The following GTF3C4 variants were observed in gnomAD, a reference collection of about 807,000 sequenced individuals.
GTF3C4 encodes the protein general transcription factor IIIC subunit 4.
GTF3C4 carries 28 observed loss-of-function variants against 67.5 expected under a neutral mutation model. The ratio of observed to expected loss-of-function variants is 0.41; its 90% CI spans 0.31 to 0.57. GTF3C4 has a LOEUF of 0.57. GTF3C4 is among the 20% of genes least tolerant of loss of function. The pLI is 0.21. For synonymous variants in GTF3C4, 409 were observed against 393.0 expected, an observed-to-expected ratio of 1.04 and a Z score of -0.48; for missense variants, 831 against 1,033.2, an observed-to-expected ratio of 0.80 and a Z score of 2.68.
Position 132,678,903 on chromosome 9 carries a change from C to T in GTF3C4, c.1284C>T (p.Ser428=). 1 of 1,614,210 alleles carries T rather than the reference C, an allele frequency of 6.2e-7. No homozygotes were observed. The highest frequency in any genetic ancestry group is 1.7e-5 in the Admixed American group (1 of 60,030). The stretch of plus-strand genomic sequence containing the variant: ...GCCTTCACTCACTGCCAATTGTCTC[C>T]ATGACTGCAGACAAACAGAATGGAA... ...VTGLHSLPIV[S]MTADKQNGTV... Residue 428 remains serine (S), a synonymous_variant, in exon 2 of 5, where the codon TCC becomes TCT. Coordinates refer to ENST00000372146, the MANE Select transcript of GTF3C4 (RefSeq NM_012204.4). The surrounding 1 kb of genome is among the most constrained non-coding windows in gnomAD (Gnocchi z 6.5).
intron 3 of GTF3C4, among the ~76,000 whole-genome samples, chr9:132,684,611 A>G (rs1335879488): frequency 6.6e-6 from 1 of 152,090 alleles, no homozygotes; most frequent in South Asian, 2.1e-4. Context: ...CATCTGCTGT[A>G]TTTGTCCATC....
At chr9:132,684,752 T>C (rs787240) in intron 3 of GTF3C4, among the ~76,000 whole-genome samples, 72,352 of 151,996 alleles carry the variant, frequency 0.48, 17,980 homozygotes, top group African/African-American at 0.61. Flanking sequence ...GTGGCTTCCT[T>C]CAGTTTCCCA....
chr9:132,671,876 A>T (rs1424167583), intron 1 of GTF3C4, among the ~76,000 whole-genome samples: 3 of 152,200 alleles, frequency 2.0e-5, no homozygotes, highest in Non-Finnish European at 2.9e-5. Flanking sequence ...CCTGTCAGGT[A>T]GTGATAAGCA....
chr9:132,678,552 C>T lies in GTF3C4; in HGVS notation c.933C>T (p.Thr311=), dbSNP rs201132018. 1 of 1,614,140 alleles carries T rather than the reference C, an allele frequency of 6.2e-7. No individual in the cohort carries two copies. Among genetic ancestry groups the T allele is most frequent in the Non-Finnish European group, 8.5e-7 (1 of 1,179,990 alleles). Residue 311 remains threonine, a synonymous_variant, in exon 2 of 5, where the codon ACC becomes ACT. Coordinates refer to ENST00000372146, the MANE Select transcript of GTF3C4 (RefSeq NM_012204.4). The surrounding 1 kb of genome is among the most constrained non-coding windows in gnomAD (Gnocchi z 6.5). ...SSCNTIESGI[T]SPSVLFWWEY... Reference sequence around the variant, plus strand: ...GCAACACAATTGAGTCAGGAATCACCTCTCCCAGTGTATTGTTTTGGTGGG... The same window carrying T: ...GCAACACAATTGAGTCAGGAATCACTTCTCCCAGTGTATTGTTTTGGTGGG...
At position 132,678,018 on chromosome 9, in the gene GTF3C4, C is replaced by T. The variant is rs751583658; in HGVS notation, c.399C>T (p.Phe133=). ...AAGTTGCTGAGTGCAAGGAGAAATT[C>T]GCCGCCTCCAAGGACCCCACGGTCA... ...KTEVAECKEK[F]AASKDPTVSQ... The change falls in exon 2 of 5, where the codon TTC becomes TTT. Residue 133 remains phenylalanine, a synonymous_variant. Transcript: ENST00000372146. This position sits in a 1 kb window ranked among gnomAD's most constrained non-coding sequence, Gnocchi z 6.5. The T allele has an allele frequency of 3.1e-6, 5 of 1,612,052 alleles. No homozygotes were observed. Among genetic ancestry groups the T allele is most frequent in the Admixed American group, 3.4e-5 (2 of 59,530 alleles).
chr9:132,670,468 G>T lies in GTF3C4; in HGVS notation c.-131G>T. Reference sequence around the variant, plus strand: ...CCTGGCAACGGCGGGGTCCTTCTTGGCTCGGCGGCGCTCGGGGCCTGAGGG... The same window carrying T: ...CCTGGCAACGGCGGGGTCCTTCTTGTCTCGGCGGCGCTCGGGGCCTGAGGG... On this transcript the variant is annotated 5_prime_UTR_variant, in exon 1 of 5. Transcript: ENST00000372146. The T allele has an allele frequency of 1.0e-6, 1 of 966,734 alleles. No individual in the cohort carries two copies. The highest frequency in any genetic ancestry group is 3.2e-5 in the East Asian group (1 of 31,206). The allele number at this position is 966,734 out of a possible 1,614,324, so 59.9% of individuals were successfully genotyped here.
Position 132,678,911 on chromosome 9 carries a change from CAG to C in GTF3C4, c.1294_1295del (p.Asp432GlnfsTer12). 6.2e-7 allele frequency: 1 copy of C among 1,614,064 alleles called. No homozygotes were observed. Among genetic ancestry groups the C allele is most frequent in the Non-Finnish European group, 8.5e-7 (1 of 1,179,904 alleles). On this transcript the variant is annotated frameshift_variant, in exon 2 of 5. Transcript: ENST00000372146. LOFTEE classifies it high-confidence loss of function. This position sits in a 1 kb window ranked among gnomAD's most constrained non-coding sequence, Gnocchi z 6.5. ...TCACTGCCAATTGTCTCCATGACTG[CAG>C]ACAAACAGAATGGAACAGTCTATAC...
In GTF3C4 at chr9:132,670,564, G is replaced by A; in HGVS notation, c.-35G>A. On this transcript the variant is annotated 5_prime_UTR_variant, in exon 1 of 5. Transcript: ENST00000372146. The stretch of plus-strand genomic sequence containing the variant: ...GGAGGTGGTCGCGCGACTGCGTGGA[G>A]CGCCAGGGCGTCCGACCTCTGCACC... 1 of 1,367,984 alleles carries A rather than the reference G, an allele frequency of 7.3e-7. No individual in the cohort carries two copies. Among genetic ancestry groups the A allele is most frequent in the Non-Finnish European group, 9.5e-7 (1 of 1,047,762 alleles). 84.7% of individuals were successfully genotyped at this position (1,367,984 alleles called of 1,614,324 possible). A position where few individuals can be genotyped will look rare whatever the true frequency, so the allele number is the denominator to read the frequency against.
intron 2 of GTF3C4, among the ~76,000 whole-genome samples, chr9:132,680,109 A>G (rs557012885): frequency 6.6e-6 from 1 of 152,356 alleles, no homozygotes; most frequent in African/African-American, 2.4e-5. Flanking sequence ...GTGATGGGCA[A>G]TCATGGCTGT....
chr9:132,675,794 G>A (rs1308291111), intron 1 of GTF3C4, among the ~76,000 whole-genome samples: 1 of 151,414 alleles, frequency 6.6e-6, no homozygotes, highest in African/African-American at 2.4e-5. Flanking sequence ...TCTCTATTTT[G>A]TGGACAATTT....
At chr9:132,681,314 C>G (rs1276657848) in intron 2 of GTF3C4, among the ~76,000 whole-genome samples, 2 of 152,278 alleles carry the variant, frequency 1.3e-5, no homozygotes, top group African/African-American at 4.8e-5. Context: ...TTACATTTAG[C>G]ATGGTGATGT....
chr9:132,676,511 G>C (rs1282564270), intron 1 of GTF3C4, among the ~76,000 whole-genome samples: 2 of 151,654 alleles, frequency 1.3e-5, no homozygotes, highest in Non-Finnish European at 2.9e-5. Context: ...AGTAGAGATG[G>C]GGCCTCACTA....
rs537809079 is a variant in GTF3C4 at position 132,675,540 on chromosome 9, G to A, written c.358-2437G>A. Among the ~76,000 whole-genome samples the A allele has an allele frequency of 4.9e-4, 75 of 152,172 alleles. No individual in the cohort carries two copies. The South Asian group carries it at 0.015, about 30-fold the overall frequency. ...TTTTGGATAATAAAGGGTAATAACT[G>A]CCTCCCTCACCTCCAAAAAAAAGGC... On this transcript the variant is annotated intron_variant, in intron 1 of 4. Transcript: ENST00000372146.
At chr9:132,681,510 A>C (rs1465431410) in intron 2 of GTF3C4, among the ~76,000 whole-genome samples, 1 of 152,198 alleles carries the variant, frequency 6.6e-6, no homozygotes, top group South Asian at 2.1e-4. Context: ...TTATCAGCCT[A>C]GTATGCTAGT....
chr9:132,671,040 C>G, intron 1 of GTF3C4, 85 bp downstream of exon 1: 1 of 926,918 alleles, frequency 1.1e-6, no homozygotes. Context: ...TCCGATCCCA[C>G]ACTCTGTCCG....
chr9:132,682,618 T>TTTTA (rs1261787846), intron 2 of GTF3C4, among the ~76,000 whole-genome samples: 1 of 147,714 alleles, frequency 6.8e-6, no homozygotes, highest in African/African-American at 2.5e-5. Flanking sequence ...TTTTTTTTTT[T>TTTTA]ACTGAGATGG....
rs1203012179 is a variant in GTF3C4, at chr9:132,672,028, G to C, written c.357+1073G>C. ...TCACTTTGTAGCATACTTAATTCAAGTTTCAAACATCTTTCTGTTGTTAGA... is the reference window on the plus strand; with the variant it reads ...TCACTTTGTAGCATACTTAATTCAACTTTCAAACATCTTTCTGTTGTTAGA... On this transcript the variant is annotated intron_variant, in intron 1 of 4. Transcript: ENST00000372146. 2.0e-5 allele frequency among the ~76,000 whole-genome samples: 3 copies of C among 152,272 alleles called. No individual in the cohort carries two copies. In the East Asian group the frequency reaches 5.8e-4, roughly 29 times the overall value.
At position 132,694,193 on chromosome 9, in the gene GTF3C4, G is replaced by A; in HGVS notation, c.*5248G>A. 1 of 152,130 alleles carries A rather than the reference G, an allele frequency of 6.6e-6. No homozygotes were observed. Among genetic ancestry groups the A allele is most frequent in the Non-Finnish European group, 1.5e-5 (1 of 68,036 alleles). The allele number at this position is 152,130 out of a possible 1,614,324, so 9.4% of individuals were successfully genotyped here. Reference sequence around the variant, plus strand: ...GAAAAGTTGGTGACTTCTCTCCATTGTATATATGTACATAGTTTTCATTAC... The same window carrying A: ...GAAAAGTTGGTGACTTCTCTCCATTATATATATGTACATAGTTTTCATTAC... On this transcript the variant is annotated 3_prime_UTR_variant, in exon 5 of 5. Transcript: ENST00000372146.
In GTF3C4 at chr9:132,670,517, TG is replaced by T; in HGVS notation, c.-77del. 2 of 1,145,364 alleles carry T rather than the reference TG, an allele frequency of 1.7e-6. No homozygotes were observed. Among genetic ancestry groups the T allele is most frequent in the Non-Finnish European group, 2.3e-6 (2 of 860,970 alleles). 71.0% of individuals were successfully genotyped at this position (1,145,364 alleles called of 1,614,324 possible). ...GGGAGAAAACCGCCGCGGAGGGCGC[TG>T]GGGGTGGCGGCGGCGGTCCGGGAGG... On this transcript the variant is annotated 5_prime_UTR_variant, in exon 1 of 5. Transcript: ENST00000372146.
Sources: allele counts gnomAD v4.1 joint callset (sites outside exome capture counted in the v4.1 genomes callset), GRCh38; gene constraint gnomAD v4.1.1; non-coding constraint Gnocchi (gnomAD v3.1); transcripts MANE v1.5; gene names NCBI Gene and HGNC (gene_info 2026-07-23, HGNC 2026-07-21).